Variants in XKR6 observed in about 807,000 individuals in gnomAD.
XKR6 encodes the protein XK related 6.
A neutral mutation model predicts 56.7 loss-of-function variants in XKR6; 22 were observed. The observed-to-expected ratio is 0.39, with a 90% CI of 0.28 to 0.55. The LOEUF is 0.55. Among genes scored for constraint, XKR6 ranks in the 20% least tolerant of loss-of-function variants. The pLI is 0.66. For synonymous variants in XKR6, 524 were observed against 387.8 expected, an observed-to-expected ratio of 1.35 and a Z score of -4.13; for missense variants, 852 against 889.0, an observed-to-expected ratio of 0.96 and a Z score of 0.53.
intron 1 of XKR6, among the ~76,000 whole-genome samples, chr8:11,040,504 C>A (rs867433921): frequency 3.9e-5 from 6 of 152,264 alleles, no homozygotes; most frequent in African/African-American, 1.4e-4. Flanking sequence ...AGTACTCCAG[C>A]CTGGGTGACC....
intron 1 of XKR6, among the ~76,000 whole-genome samples, chr8:11,155,773 A>C (rs1353926155): frequency 1.3e-5 from 2 of 152,114 alleles, no homozygotes; most frequent in Non-Finnish European, 2.9e-5. Context: ...GTCCCACTCC[A>C]TTCCACTGCA....
intron 1 of XKR6, among the ~76,000 whole-genome samples, chr8:11,056,040 C>T (rs931345845): frequency 1.1e-4 from 16 of 152,176 alleles, no homozygotes; most frequent in Admixed American, 1.0e-3. Flanking sequence ...CCTCTCCCGC[C>T]CCACTTCTCA....
intron 1 of XKR6, among the ~76,000 whole-genome samples, chr8:10,943,940 C>T (rs1801459669): frequency 6.6e-6 from 1 of 152,118 alleles, no homozygotes; most frequent in Non-Finnish European, 1.5e-5. Flanking sequence ...AGGCGGAAGT[C>T]TCCCCCTGCC....
At chr8:10,944,982 G>A (rs1330433190) in intron 1 of XKR6, among the ~76,000 whole-genome samples, 1 of 152,194 alleles carries the variant, frequency 6.6e-6, no homozygotes, top group Non-Finnish European at 1.5e-5. Flanking sequence ...TGGGAACAGA[G>A]GCAGAATGCG....
chr8:11,091,036 C>T (rs999561735), intron 1 of XKR6, among the ~76,000 whole-genome samples: 1 of 152,190 alleles, frequency 6.6e-6, no homozygotes, highest in African/African-American at 2.4e-5. Context: ...TCTTCTAGGC[C>T]ATCCTCTCTC....
chr8:10,902,542 T>C (rs563414759), intron 2 of XKR6, among the ~76,000 whole-genome samples: 2 of 152,322 alleles, frequency 1.3e-5, no homozygotes, highest in African/African-American at 4.8e-5. Flanking sequence ...TTTCCAGATA[T>C]CCAGCAGGCA....
chr8:11,077,864 A>G (rs1319176554), intron 1 of XKR6, among the ~76,000 whole-genome samples: 1 of 152,164 alleles, frequency 6.6e-6, no homozygotes, highest in Non-Finnish European at 1.5e-5. Context: ...CATGATCATC[A>G]GACCGGGGAC....
chr8:11,170,038 T>G lies in XKR6; in HGVS notation c.764+30538A>C, dbSNP rs1159196913. ...TGGAAGTCTGCAACTCCTAGCTGGA[T>G]CTGACGTTAGATCTAAGTTGAACAA... is the stretch of plus-strand genomic sequence containing the variant. On this transcript the variant is annotated intron_variant, in intron 1 of 2. Coordinates refer to ENST00000416569, the MANE Select transcript of XKR6 (RefSeq NM_173683.4). Among the ~76,000 whole-genome samples the G allele has an allele frequency of 2.6e-5, 4 of 152,172 alleles. No individual in the cohort carries two copies. In the East Asian group the frequency reaches 7.7e-4, roughly 29 times the overall value.
intron 1 of XKR6, chr8:11,062,701 C>A: frequency 2.2e-6 from 1 of 454,630 alleles, no homozygotes; most frequent in Non-Finnish European, 4.4e-6. Context: ...AGAGTTTCAT[C>A]TATTTTATGG....
chr8:11,167,122 T>A (rs539271465), intron 1 of XKR6, among the ~76,000 whole-genome samples: 58 of 152,174 alleles, frequency 3.8e-4, no homozygotes, highest in African/African-American at 1.4e-3. Context: ...AGTAGACAAT[T>A]CCAAGTGCCC....
chr8:10,995,424 T>A (rs1191054841), intron 1 of XKR6, among the ~76,000 whole-genome samples: 1 of 147,948 alleles, frequency 6.8e-6, no homozygotes, highest in East Asian at 1.9e-4. Context: ...ATATTTACTA[T>A]ATCTACTATA....
chr8:10,931,886 T>C (rs1801062142), intron 1 of XKR6, among the ~76,000 whole-genome samples: 1 of 151,838 alleles, frequency 6.6e-6, no homozygotes, highest in Non-Finnish European at 1.5e-5. Flanking sequence ...GTGAATGACA[T>C]TGTTAAGAGA....
intron 1 of XKR6, among the ~76,000 whole-genome samples, chr8:10,940,683 A>C (rs970808675): frequency 2.0e-5 from 3 of 152,162 alleles, no homozygotes; most frequent in Non-Finnish European, 1.5e-5. Flanking sequence ...TCTCCCCACT[A>C]TCCCAGGAGC....
chr8:10,896,614 G>C lies in XKR6; in HGVS notation c.*1338C>G, dbSNP rs1799889702. ...CACACAAAATTTCCCATTCAACCCA[G>C]ATGCACCAGGTGAGCTGAATGATTT... On this transcript the variant is annotated 3_prime_UTR_variant, in exon 3 of 3. Coordinates refer to ENST00000416569, the MANE Select transcript of XKR6 (RefSeq NM_173683.4). The C allele has an allele frequency of 2.0e-5, 3 of 152,588 alleles. No homozygotes were observed. Among genetic ancestry groups the C allele is most frequent in the Non-Finnish European group, 4.4e-5 (3 of 68,012 alleles). 9.5% of individuals were successfully genotyped at this position (152,588 alleles called of 1,614,324 possible). A position where few individuals can be genotyped will look rare whatever the true frequency, so the allele number is the denominator to read the frequency against.
intron 1 of XKR6, among the ~76,000 whole-genome samples, chr8:10,926,661 T>C (rs1387186780): frequency 6.6e-6 from 1 of 152,226 alleles, no homozygotes; most frequent in South Asian, 2.1e-4. Flanking sequence ...CTGGCCCACC[T>C]TGCGGGTCAG....
At chr8:10,925,538 C>T (rs1256508896) in intron 1 of XKR6, among the ~76,000 whole-genome samples, 1 of 152,202 alleles carries the variant, frequency 6.6e-6, no homozygotes, top group Non-Finnish European at 1.5e-5. Context: ...AGCAGATCCG[C>T]TGCCCGCCCT....
At chr8:10,960,480 T>C (rs1012259800) in intron 1 of XKR6, among the ~76,000 whole-genome samples, 3 of 152,154 alleles carry the variant, frequency 2.0e-5, no homozygotes, top group African/African-American at 4.8e-5. Flanking sequence ...AGCCTTTCCT[T>C]TGATCAGGGA....
intron 1 of XKR6, among the ~76,000 whole-genome samples, chr8:11,081,228 T>G (rs561148116): frequency 2.0e-5 from 3 of 152,286 alleles, no homozygotes; most frequent in African/African-American, 7.2e-5. Flanking sequence ...AACTAGAAGG[T>G]ACCAGGAAAA....
chr8:11,116,636 G>A (rs1399352771), intron 1 of XKR6, among the ~76,000 whole-genome samples: 1 of 152,126 alleles, frequency 6.6e-6, no homozygotes, highest in Non-Finnish European at 1.5e-5. Flanking sequence ...CTCCCAAAGT[G>A]CTGGGATTAC....
Sources: gnomAD v4.1 joint callset for allele counts (sites outside exome capture counted in the v4.1 genomes callset) on GRCh38, gnomAD v4.1.1 for gene constraint, MANE v1.5 for transcripts, NCBI Gene and HGNC (gene_info 2026-07-23, HGNC 2026-07-21) for gene names.